Variants in TASOR2 observed in about 807,000 individuals in gnomAD.
TASOR2 encodes the protein transcription activation suppressor family member 2.
In TASOR2, 84 loss-of-function variants were observed where a neutral mutation model predicts 199.5. That is an observed-to-expected ratio of 0.42 (90% confidence interval 0.35 to 0.50). The LOEUF is 0.50. Ranked by LOEUF, TASOR2 falls within the 20% of genes least tolerant of loss-of-function variation. The pLI, the probability that TASOR2 is intolerant of heterozygous loss-of-function variation, is 0.02. For missense variants in TASOR2, 2,796 were observed against 2,835.9 expected (o/e 0.99, Z 0.32); for synonymous variants, 1,103 against 1,046.6 (o/e 1.05, Z -1.04).
At chr10:5,749,911 G>C (rs753155161) in exon 15 of TASOR2, 3 of 1,614,166 alleles carry the variant, frequency 1.9e-6, no homozygotes, top group Non-Finnish European at 2.5e-6. Context: ...CATAATCATA[G>C]ACGTGTGCAC....
chr10:5,721,024 T>G (rs554058478), intron 6 of TASOR2, 54 bp downstream of exon 7: 70 of 1,405,968 alleles, frequency 5.0e-5, no homozygotes, highest in African/African-American at 1.2e-4. Context: ...AGTTTTGGGG[T>G]TTTTTTTCCT....
rs778443913 is a variant in TASOR2, at chr10:5,742,259, A to C, written c.2490A>C (p.Leu830Phe). Reference sequence around the variant, plus strand: ...AATATGTGTCTATAAATAGCACGTTAGAATCTTGTGAGCTCCGTGAAATTG... The same window carrying C: ...AATATGTGTCTATAAATAGCACGTTCGAATCTTGTGAGCTCCGTGAAATTG... The change falls in exon 14 of 21, where the codon TTA becomes TTC. Residue 830 changes from leucine to phenylalanine, a missense_variant. This residue lies in a region of TASOR2 where 1,941 missense variants were observed against 1,924.9 expected (regional missense o/e 1.01). Transcript: ENST00000328090. The surrounding 1 kb of genome is among the most constrained non-coding windows in gnomAD (Gnocchi z 4.2). 1.2e-4 allele frequency: 201 copies of C among 1,614,080 alleles called. No homozygotes were observed. The highest frequency in any genetic ancestry group is 1.6e-4 in the Non-Finnish European group (193 of 1,180,044).
intron 2 of TASOR2, among the ~76,000 whole-genome samples, chr10:5,716,653 G>A (rs1341831697): frequency 6.6e-6 from 1 of 152,036 alleles, no homozygotes; most frequent in Non-Finnish European, 1.5e-5. Flanking sequence ...GGTGGCTCAT[G>A]CCTGTAATCG....
At chr10:5,715,666 C>T (rs1002287343) in intron 2 of TASOR2, among the ~76,000 whole-genome samples, 33 of 151,184 alleles carry the variant, frequency 2.2e-4, no homozygotes, top group Middle Eastern at 3.4e-3. Context: ...TGGCGGGGTA[C>T]GGAGTTTCGC....
Position 5,706,553 on chromosome 10 carries a change from T to G in TASOR2, c.-287-6270T>G, listed in dbSNP as rs1221321381. Among the ~76,000 whole-genome samples, 1 of 152,214 alleles carries G rather than the reference T, an allele frequency of 6.6e-6. No individual in the cohort carries two copies. The highest frequency in any genetic ancestry group is 1.5e-5 in the Non-Finnish European group (1 of 68,042). ...AGACAAAATCTTTGATCTATCTTTA[T>G]CCAGAGGATATTGTTAGTTCTCTAG... On this transcript the variant is annotated intron_variant, in intron 1 of 20. Transcript: ENST00000328090. The surrounding 1 kb of genome is among the most constrained non-coding windows in gnomAD (Gnocchi z 4.8).
At chr10:5,747,797 C>T in exon 15 of TASOR2, 1 of 1,613,870 alleles carries the variant, frequency 6.2e-7, no homozygotes, top group Non-Finnish European at 8.5e-7. Flanking sequence ...GTTGGTCCTA[C>T]CCATCCAGTG....
At chr10:5,761,648 G>GTAAC in intron 19 of TASOR2, 177 bp downstream of exon 20, 1 of 598,650 alleles carries the variant, frequency 1.7e-6, no homozygotes, top group Non-Finnish European at 3.0e-6. Context: ...GTATTTGCAG[G>GTAAC]TAACTACACA....
At chr10:5,715,294 G>A (rs536605027) in intron 2 of TASOR2, among the ~76,000 whole-genome samples, 3 of 150,240 alleles carry the variant, frequency 2.0e-5, no homozygotes, top group African/African-American at 7.4e-5. Context: ...ATTGTTTAGT[G>A]TAGTCCCATA....
intron 14 of TASOR2, among the ~76,000 whole-genome samples, chr10:5,745,939 C>T (rs778231812): frequency 3.0e-4 from 46 of 152,260 alleles, no homozygotes; most frequent in South Asian, 6.2e-4. Context: ...AAGCTTGGAG[C>T]TCTCTTCTGT....
intron 1 of TASOR2, chr10:5,709,682 G>T (rs1276590300): frequency 8.1e-7 from 1 of 1,229,348 alleles, no homozygotes; most frequent in Non-Finnish European, 1.0e-6. Context: ...TAAACTAAGT[G>T]CTATAAGTCA....
At chr10:5,761,673 G>T in intron 19 of TASOR2, 1 of 569,676 alleles carries the variant, frequency 1.8e-6, no homozygotes, top group Non-Finnish European at 3.1e-6. Context: ...TCCTATGTAT[G>T]TAAGTCAGTT....
chr10:5,713,075 A>G (rs1467080229), intron 2 of TASOR2, among the ~76,000 whole-genome samples, 157 bp downstream of exon 2: 2 of 152,168 alleles, frequency 1.3e-5, no homozygotes, highest in Admixed American at 6.5e-5. Flanking sequence ...GCCAGTCATG[A>G]AGGAGATTTG....
In TASOR2 at chr10:5,689,678, A is replaced by G. The variant is rs1836208655; in HGVS notation, c.-288+4503A>G. Reference sequence around the variant, plus strand: ...ATCTGTAAATTGGAGATGTTTTTAAATGTGTTTATTCATAATTTATTAAAT... The same window carrying G: ...ATCTGTAAATTGGAGATGTTTTTAAGTGTGTTTATTCATAATTTATTAAAT... On this transcript the variant is annotated intron_variant, in intron 1 of 20. Coordinates refer to ENST00000328090, the Ensembl canonical transcript of TASOR2. The surrounding 1 kb of genome is among the most constrained non-coding windows in gnomAD (Gnocchi z 4.1). 1.3e-5 allele frequency among the ~76,000 whole-genome samples: 2 copies of G among 152,208 alleles called. No homozygotes were observed. Among genetic ancestry groups the G allele is most frequent in the Non-Finnish European group, 2.9e-5 (2 of 68,034 alleles).
At chr10:5,716,303 G>A (rs1055930973) in intron 2 of TASOR2, among the ~76,000 whole-genome samples, 5 of 151,876 alleles carry the variant, frequency 3.3e-5, no homozygotes, top group African/African-American at 1.2e-4. Context: ...TCTACTTTTG[G>A]GCTATTATGA....
chr10:5,724,509 A>C, exon 8 of TASOR2: 1 of 1,496,152 alleles, frequency 6.7e-7, no homozygotes, highest in African/African-American at 1.4e-5. Flanking sequence ...ATAAATTAAC[A>C]GAATGTATTA....
At chr10:5,734,032 A>T (rs1835219382) in intron 11 of TASOR2, among the ~76,000 whole-genome samples, 1 of 152,236 alleles carries the variant, frequency 6.6e-6, no homozygotes. Flanking sequence ...ACATTTCACT[A>T]ACACTGATCA....
At chr10:5,729,745 G>C (rs1203600505) in intron 10 of TASOR2, among the ~76,000 whole-genome samples, 1 of 151,038 alleles carries the variant, frequency 6.6e-6, no homozygotes, top group African/African-American at 2.4e-5. Context: ...GTTGTTTCTT[G>C]TGGCTTTATA....
chr10:5,756,585 T>C, intron 15 of TASOR2, 28 bp from the exon 17 acceptor site: 2 of 1,609,036 alleles, frequency 1.2e-6, no homozygotes, highest in Non-Finnish European at 1.7e-6. Flanking sequence ...ACCCTTTTTT[T>C]AATAATGGCT....
chr10:5,690,111 AT>A lies in TASOR2; in HGVS notation c.-288+4939del, dbSNP rs1836260880. On this transcript the variant is annotated intron_variant, in intron 1 of 20. Transcript: ENST00000328090. This position sits in a 1 kb window ranked among gnomAD's most constrained non-coding sequence, Gnocchi z 4.8. ...TGGTTGTATCGTCTTTGCTTTCAAT[AT>A]TTAATTTTTTCCTTTTTACTTATTT... 6.6e-6 allele frequency among the ~76,000 whole-genome samples: 1 copy of A among 152,108 alleles called. No homozygotes were observed. The highest frequency in any genetic ancestry group is 2.1e-4 in the South Asian group (1 of 4,832).
Sources: allele counts gnomAD v4.1 joint callset (sites outside exome capture counted in the v4.1 genomes callset), GRCh38; gene constraint gnomAD v4.1.1; regional missense constraint gnomAD v4.1.1; non-coding constraint Gnocchi (gnomAD v3.1); transcripts MANE v1.5; gene names NCBI Gene and HGNC (gene_info 2026-07-23, HGNC 2026-07-21).